AKR1C8: variants seen among roughly 807,000 people sequenced by gnomAD.
AKR1C8 encodes the protein aldo-keto reductase family 1 member C-like protein 1.
chr10:5,179,499 G>A, the AKR1C8 span, among the ~76,000 whole-genome samples: 1 of 152,032 alleles, frequency 6.6e-6, no homozygotes, highest in African/African-American at 2.4e-5. Context: ...GGCATTCTCT[G>A]TATTTCCTGA....
chr10:5,121,931 C>T, the AKR1C8 span, among the ~76,000 whole-genome samples: 1 of 152,072 alleles, frequency 6.6e-6, no homozygotes, highest in East Asian at 1.9e-4. Flanking sequence ...GAAATTGAGC[C>T]GTGGAGGAAA....
chr10:5,171,948 A>G, the AKR1C8 span, among the ~76,000 whole-genome samples: 2 of 152,144 alleles, frequency 1.3e-5, no homozygotes, highest in African/African-American at 2.4e-5. Flanking sequence ...CTGTTTCTTC[A>G]ATAGTTTTAA....
the AKR1C8 span, among the ~76,000 whole-genome samples, chr10:5,147,854 C>T: frequency 1.3e-5 from 2 of 152,166 alleles, no homozygotes; most frequent in Non-Finnish European, 2.9e-5. Context: ...CCTGCTCCCA[C>T]ATCTCCACTA....
the AKR1C8 span, among the ~76,000 whole-genome samples, chr10:5,116,341 G>C: frequency 6.6e-6 from 1 of 151,910 alleles, no homozygotes; most frequent in Non-Finnish European, 1.5e-5. Flanking sequence ...CTTCCCTCTA[G>C]AACTAAGATC....
the AKR1C8 span, among the ~76,000 whole-genome samples, chr10:5,118,799 C>T: frequency 0.018 from 2,687 of 152,186 alleles, 74 homozygotes; most frequent in African/African-American, 0.061. Flanking sequence ...GGAAGTTTTC[C>T]CTTGGCCCCT....
the AKR1C8 span, among the ~76,000 whole-genome samples, chr10:5,160,427 G>A: frequency 3.9e-5 from 6 of 152,098 alleles, no homozygotes; most frequent in African/African-American, 1.2e-4. Context: ...TCAAGGGCAG[G>A]TTCACTGTCC....
chr10:5,123,594 G>T, the AKR1C8 span: 1 of 966,840 alleles, frequency 1.0e-6, no homozygotes, highest in Non-Finnish European at 1.5e-6. Flanking sequence ...CGTCAGAAAT[G>T]CAAATTCTCA....
chr10:5,176,570 G>T, the AKR1C8 span, among the ~76,000 whole-genome samples: 1 of 150,748 alleles, frequency 6.6e-6, no homozygotes, highest in Non-Finnish European at 1.5e-5. Flanking sequence ...ACCTTGGGCA[G>T]TATGGCCATT....
the AKR1C8 span, among the ~76,000 whole-genome samples, chr10:5,145,422 G>A: frequency 1.3e-5 from 2 of 151,886 alleles, no homozygotes; most frequent in Admixed American, 1.3e-4. Flanking sequence ...CTACAAAATG[G>A]GAGAAAATTT....
chr10:5,146,026 T>G, the AKR1C8 span, among the ~76,000 whole-genome samples: 2 of 151,850 alleles, frequency 1.3e-5, no homozygotes, highest in Non-Finnish European at 2.9e-5. Context: ...CCATAAAAAA[T>G]GATAAGTTCA....
the AKR1C8 span, among the ~76,000 whole-genome samples, chr10:5,139,757 TAA>T: frequency 6.6e-6 from 1 of 151,982 alleles, no homozygotes; most frequent in African/African-American, 2.4e-5. Flanking sequence ...ACATCATGAC[TAA>T]AACACCAAAA....
At chr10:5,130,192 C>CA in the AKR1C8 span, among the ~76,000 whole-genome samples, 1 of 151,720 alleles carries the variant, frequency 6.6e-6, no homozygotes, top group East Asian at 1.9e-4. Context: ...TCAATAGATG[C>CA]AAAAAAAGCA....
the AKR1C8 span, among the ~76,000 whole-genome samples, chr10:5,143,272 C>T: frequency 2.6e-5 from 4 of 152,230 alleles, no homozygotes; most frequent in South Asian, 2.1e-4. Context: ...ATCTTCTACC[C>T]GTGGACATCA....
chr10:5,145,843 A>T, the AKR1C8 span, among the ~76,000 whole-genome samples: 2 of 152,128 alleles, frequency 1.3e-5, no homozygotes, highest in African/African-American at 4.8e-5. Context: ...CCATCCCATT[A>T]CTGGGTATAT....
chr10:5,161,963 T>G, the AKR1C8 span: 12 of 531,792 alleles, frequency 2.3e-5, no homozygotes, highest in South Asian at 1.7e-4. Context: ...CGAAAGAAAG[T>G]AGCCCAAAGC....
chr10:5,128,587 G>A, the AKR1C8 span, among the ~76,000 whole-genome samples: 3 of 151,996 alleles, frequency 2.0e-5, no homozygotes, highest in Admixed American at 6.6e-5. Flanking sequence ...AAAAAGGTGG[G>A]AAAAGAGATT....
chr10:5,166,586 T>A, the AKR1C8 span, among the ~76,000 whole-genome samples: 2 of 152,198 alleles, frequency 1.3e-5, no homozygotes, highest in Non-Finnish European at 1.5e-5. Context: ...GCTAGCCATA[T>A]GTAGAAAGCT....
chr10:5,162,296 A>C, the AKR1C8 span, among the ~76,000 whole-genome samples: 1 of 152,238 alleles, frequency 6.6e-6, no homozygotes, highest in Non-Finnish European at 1.5e-5. Flanking sequence ...CAGGGAGAAC[A>C]GAATCTCTTG....
At chr10:5,167,138 G>A in the AKR1C8 span, among the ~76,000 whole-genome samples, 20 of 152,082 alleles carry the variant, frequency 1.3e-4, no homozygotes, top group African/African-American at 4.6e-4. Flanking sequence ...GAAACAACAG[G>A]TGCTGGAGAG....
Sources: gnomAD v4.1 joint callset for allele counts (sites outside exome capture counted in the v4.1 genomes callset) on GRCh38, gnomAD v4.1.1 for gene constraint, MANE v1.5 for transcripts, NCBI Gene and HGNC (gene_info 2026-07-23, HGNC 2026-07-21) for gene names.